UGT2B28: variants seen among roughly 807,000 people sequenced by gnomAD.
The protein encoded by UGT2B28 is UDP glucuronosyltransferase family 2 member B28.
A neutral mutation model predicts 43.6 loss-of-function variants in UGT2B28; 45 were observed. The observed-to-expected ratio is 1.03, with a 90% CI of 0.81 to 1.32. The LOEUF is 1.32. UGT2B28 is among the 40% of genes most tolerant of loss of function. The pLI is 0.00. For synonymous variants in UGT2B28, 204 were observed against 208.1 expected, an observed-to-expected ratio of 0.98 and a Z score of 0.17; for missense variants, 649 against 625.5, an observed-to-expected ratio of 1.04 and a Z score of -0.40.
chr4:69,284,867 CAAGT>C (rs752204571), intron 2 of UGT2B28, among the ~76,000 whole-genome samples: 1 of 139,746 alleles, frequency 7.2e-6, no homozygotes, highest in Non-Finnish European at 1.5e-5. Context: ...CAAACTGCAT[CAAGT>C]GTTTTAAAAA....
At chr4:69,288,978 T>C (rs916059944) in intron 3 of UGT2B28, among the ~76,000 whole-genome samples, 4 of 140,908 alleles carry the variant, frequency 2.8e-5, no homozygotes. Flanking sequence ...ATTTTCTTCA[T>C]TCAGTCCATA....
rs1305462310 is a variant in UGT2B28 at position 69,281,368 on chromosome 4, C to G, written c.721+147C>G. On this transcript the variant is annotated intron_variant, in intron 1 of 5. Transcript: ENST00000335568. ...AATACAAGATGATCTATCAATCTCA[C>G]AAACATTATAGAAAAGCTTAAATTA... 3.8e-6 allele frequency: 4 copies of G among 1,063,336 alleles called. No homozygotes were observed. The East Asian group carries it at 1.1e-4, about 29-fold the overall frequency. 65.9% of individuals were successfully genotyped at this position (1,063,336 alleles called of 1,614,324 possible). A position where few individuals can be genotyped will look rare whatever the true frequency, so the allele number is the denominator to read the frequency against.
rs748460243 is a variant in UGT2B28 at position 69,286,919 on chromosome 4, T to C, written c.1002+36T>C. 1.6e-5 allele frequency: 24 copies of C among 1,522,182 alleles called. 1 individual carries two copies. The South Asian group carries it at 2.8e-4, about 18-fold the overall frequency. The allele number at this position is 1,522,182 out of a possible 1,614,324, so 94.3% of individuals were successfully genotyped here. On this transcript the variant is annotated intron_variant, in intron 3 of 5. Coordinates refer to ENST00000335568, the MANE Select transcript of UGT2B28 (RefSeq NM_053039.2). ...GTGCCTTACTGGTGTGGAAAACTAC[T>C]GAAAGAGGCTGTTAAAGTTTGAGAT...
Position 69,287,115 on chromosome 4 carries a change from T to C in UGT2B28, c.1002+232T>C, listed in dbSNP as rs1170716938. On this transcript the variant is annotated intron_variant, in intron 3 of 5. Coordinates refer to ENST00000335568, the MANE Select transcript of UGT2B28 (RefSeq NM_053039.2). Reference sequence around the variant, plus strand: ...GGTATGCATGAGTGGTTCCTATTACTACCAGTGGGAACTCAGTACTCCATA... The same window carrying C: ...GGTATGCATGAGTGGTTCCTATTACCACCAGTGGGAACTCAGTACTCCATA... Among the ~76,000 whole-genome samples the C allele has an allele frequency of 4.3e-5, 6 of 139,294 alleles. 2 individuals carry two copies. The highest frequency in any genetic ancestry group is 6.1e-5 in the Non-Finnish European group (4 of 65,434). The allele number at this position is 139,294 out of a possible 152,430, so 91.4% of individuals were successfully genotyped here. A position where few individuals can be genotyped will look rare whatever the true frequency, so the allele number is the denominator to read the frequency against.
chr4:69,289,676 A>G lies in UGT2B28; in HGVS notation c.1014A>G (p.Arg338=). 13 of 1,554,372 alleles carry G rather than the reference A, an allele frequency of 8.4e-6. 1 individual carries two copies. Among genetic ancestry groups the G allele is most frequent in the African/African-American group, 1.5e-5 (1 of 65,624 alleles). The stretch of plus-strand genomic sequence containing the variant: ...CTTTACTGTAACAGGTTCTGTGGAG[A>G]TTTGATGGGAATAAACCAGATGCCT... The part of the protein sequence containing the change: ...LAKIPQKVLW[R]FDGNKPDALG... Residue 338 remains arginine, a synonymous_variant, in exon 4 of 6, where the codon AGA becomes AGG. Transcript: ENST00000335568.
In UGT2B28 at chr4:69,281,108, A is replaced by T. The variant is rs760292004; in HGVS notation, c.608A>T (p.Asp203Val). Residue 203 changes from aspartate to valine, a missense_variant, in exon 1 of 6, where the codon GAT (aspartate) becomes GTT (valine). By Grantham distance (152) the Asp-to-Val change is radical. Transcript: ENST00000335568. ...YIPVVMSKLS[D>V]QMTFMERVKN... is the part of the protein sequence containing the mutation. ...CCTGTTGTTATGTCAAAATTAAGTG[A>T]TCAAATGACTTTCATGGAGAGGGTA... The T allele has an allele frequency of 1.3e-6, 2 of 1,559,624 alleles. No individual in the cohort carries two copies. Among genetic ancestry groups the T allele is most frequent in the Non-Finnish European group, 1.7e-6 (2 of 1,155,406 alleles).
Position 69,281,773 on chromosome 4 carries a change from C to A in UGT2B28, c.721+552C>A, listed in dbSNP as rs560723950. Among the ~76,000 whole-genome samples, 3 of 140,098 alleles carry A rather than the reference C, an allele frequency of 2.1e-5. 1 individual carries two copies. The highest frequency in any genetic ancestry group is 4.8e-4 in the South Asian group (2 of 4,194). The allele number at this position is 140,098 out of a possible 152,430, so 91.9% of individuals were successfully genotyped here. A position where few individuals can be genotyped will look rare whatever the true frequency, so the allele number is the denominator to read the frequency against. On this transcript the variant is annotated intron_variant, in intron 1 of 5. Transcript: ENST00000335568. Reference sequence around the variant, plus strand: ...TTGAAGTTTCTAATGTTTCTATACTCCTTCACTAAAGAATTGGAATTCATT... The same window carrying A: ...TTGAAGTTTCTAATGTTTCTATACTACTTCACTAAAGAATTGGAATTCATT...
At chr4:69,291,693 A>G (rs1367331588) in intron 5 of UGT2B28, among the ~76,000 whole-genome samples, 3 of 137,274 alleles carry the variant, frequency 2.2e-5, no homozygotes, top group African/African-American at 8.6e-5. Flanking sequence ...GAATATTGCT[A>G]TACATGTCTT....
chr4:69,283,545 A>G (rs1212927769), intron 2 of UGT2B28, among the ~76,000 whole-genome samples: 1 of 140,564 alleles, frequency 7.1e-6, no homozygotes, highest in African/African-American at 2.8e-5. Context: ...TGGACTAGAA[A>G]GTTGATAGAA....
In UGT2B28 at chr4:69,290,230, C is replaced by G. The variant is rs1304172146; in HGVS notation, c.1091-362C>G. On this transcript the variant is annotated intron_variant, in intron 4 of 5. Coordinates refer to ENST00000335568, the MANE Select transcript of UGT2B28 (RefSeq NM_053039.2). ...TCCTCAATCCTAGCACCACCACCAA[C>G]CCACTGCCTGCTGCCTTGCACACCC... Among the ~76,000 whole-genome samples, 3 of 140,216 alleles carry G rather than the reference C, an allele frequency of 2.1e-5. 1 individual carries two copies. In the East Asian group the frequency reaches 6.1e-4, roughly 29 times the overall value. The allele number at this position is 140,216 out of a possible 152,430, so 92.0% of individuals were successfully genotyped here.
intron 2 of UGT2B28, among the ~76,000 whole-genome samples, chr4:69,283,418 C>CT (rs1213353986): frequency 7.2e-6 from 1 of 139,674 alleles, no homozygotes; most frequent in Non-Finnish European, 1.5e-5. Flanking sequence ...AAACGATTCT[C>CT]TTTTTTAAGA....
rs1206597856 is a variant in UGT2B28 at position 69,280,854 on chromosome 4, A to T, written c.354A>T (p.Glu118Asp). ...CACAAGAACAAGAAATCCTGTGGGA[A>T]TTTCATGACATATTTAGAAACTTCT... ...YFSQEQEILW[E>D]FHDIFRNFCK... is the part of the protein sequence containing the mutation. Residue 118 changes from glutamate (E) to aspartate (D), a missense_variant, in exon 1 of 6, where the codon GAA becomes GAT. Glu to Asp is a conservative substitution (Grantham distance 45). Transcript: ENST00000335568. 5 of 1,559,534 alleles carry T rather than the reference A, an allele frequency of 3.2e-6. 1 individual carries two copies. Among genetic ancestry groups the T allele is most frequent in the Non-Finnish European group, 4.3e-6 (5 of 1,155,624 alleles).
intron 5 of UGT2B28, among the ~76,000 whole-genome samples, chr4:69,291,059 TATA>T (rs2109695752): frequency 7.1e-6 from 1 of 140,706 alleles, no homozygotes; most frequent in East Asian, 2.0e-4. Flanking sequence ...TCATAGATAA[TATA>T]AAAAATACAT....
rs570273296 is a variant in UGT2B28 at position 69,294,036 on chromosome 4, A to G, written c.1311-494A>G. Among the ~76,000 whole-genome samples the G allele has an allele frequency of 1.4e-4, 20 of 140,748 alleles. 2 individuals are homozygous for G. Among genetic ancestry groups the G allele is most frequent in the African/African-American group, 5.0e-4 (18 of 36,078 alleles). The allele number at this position is 140,748 out of a possible 152,430, so 92.3% of individuals were successfully genotyped here. A position where few individuals can be genotyped will look rare whatever the true frequency, so the allele number is the denominator to read the frequency against. On this transcript the variant is annotated intron_variant, in intron 5 of 5. Coordinates refer to ENST00000335568, the MANE Select transcript of UGT2B28 (RefSeq NM_053039.2). ...ATCGCATTTTCACAATCTTTCTTAC[A>G]GCACTTAAAATGGCTCATGATGTTG...
chr4:69,282,811 T>C lies in UGT2B28; in HGVS notation c.870+149T>C, dbSNP rs775016555. On this transcript the variant is annotated intron_variant, in intron 2 of 5. Coordinates refer to ENST00000335568, the MANE Select transcript of UGT2B28 (RefSeq NM_053039.2). Reference sequence around the variant, plus strand: ...CAGATACCAAATAGAAACTCATGTATATGTTAATACCATCACATGTATGTG... The same window carrying C: ...CAGATACCAAATAGAAACTCATGTACATGTTAATACCATCACATGTATGTG... The C allele has an allele frequency of 5.7e-6, 7 of 1,217,918 alleles. 1 individual carries two copies. Among genetic ancestry groups the C allele is most frequent in the Non-Finnish European group, 7.6e-6 (7 of 918,588 alleles). The allele number at this position is 1,217,918 out of a possible 1,614,324, so 75.4% of individuals were successfully genotyped here. A position where few individuals can be genotyped will look rare whatever the true frequency, so the allele number is the denominator to read the frequency against.
rs1463166369 is a variant in UGT2B28 at position 69,290,573 on chromosome 4, A to G, written c.1091-19A>G. The G allele has an allele frequency of 1.9e-6, 3 of 1,538,644 alleles. No individual in the cohort carries two copies. Among genetic ancestry groups the G allele is most frequent in the Non-Finnish European group, 2.6e-6 (3 of 1,138,832 alleles). On this transcript the variant is annotated intron_variant, in intron 4 of 5. Transcript: ENST00000335568. Reference sequence around the variant, plus strand: ...TTTTATTCCTATGAATAATTTTGCTAAAATTCATCCAATCCTAGGTCTTCC... The same window carrying G: ...TTTTATTCCTATGAATAATTTTGCTGAAATTCATCCAATCCTAGGTCTTCC...
chr4:69,291,523 T>C (rs1238403365), intron 5 of UGT2B28, among the ~76,000 whole-genome samples: 2 of 140,976 alleles, frequency 1.4e-5, no homozygotes, highest in Non-Finnish European at 1.5e-5. Context: ...CTAATTTTTG[T>C]TCTTTTCTTA....
chr4:69,291,094 G>A lies in UGT2B28; in HGVS notation c.1310+283G>A, dbSNP rs1323282021. Among the ~76,000 whole-genome samples, 6 of 139,560 alleles carry A rather than the reference G, an allele frequency of 4.3e-5. 1 individual carries two copies. Among genetic ancestry groups the A allele is most frequent in the Non-Finnish European group, 7.6e-5 (5 of 65,534 alleles). The allele number at this position is 139,560 out of a possible 152,430, so 91.6% of individuals were successfully genotyped here. On this transcript the variant is annotated intron_variant, in intron 5 of 5. Coordinates refer to ENST00000335568, the MANE Select transcript of UGT2B28 (RefSeq NM_053039.2). ...ACATTTCTTAAAATTTTAACATAAC[G>A]AATCCATAGTAGAAAGGAAGAATAA...
At chr4:69,290,855 C>T in intron 5 of UGT2B28, 44 bp downstream of exon 5, 1 of 1,527,356 alleles carries the variant, frequency 6.5e-7, no homozygotes, top group Non-Finnish European at 8.8e-7. Flanking sequence ...TTGTAGATAG[C>T]TTCTCTTTTC....
Sources: allele counts gnomAD v4.1 joint callset (sites outside exome capture counted in the v4.1 genomes callset), GRCh38; gene constraint gnomAD v4.1.1; transcripts MANE v1.5; gene names NCBI Gene and HGNC (gene_info 2026-07-23, HGNC 2026-07-21).